CIPC: variants seen among roughly 807,000 people sequenced by gnomAD.
CIPC encodes CLOCK interacting pacemaker.
In CIPC, 12 loss-of-function variants were observed where a neutral mutation model predicts 26.7. The ratio of observed to expected loss-of-function variants is 0.45; its 90% CI spans 0.29 to 0.73. The LOEUF is 0.73. CIPC is among the 30% of genes least tolerant of loss of function. The probability of loss-of-function intolerance (pLI) is 0.12; values close to 1 mark genes in which losing one functional copy is unlikely to be tolerated. For synonymous variants in CIPC, 170 were observed against 189.8 expected, an observed-to-expected ratio of 0.90 and a Z score of 0.86; for missense variants, 417 against 486.5, an observed-to-expected ratio of 0.86 and a Z score of 1.34.
intron 1 of CIPC, chr14:77,098,698 T>G (rs1258969481): frequency 1.3e-5 from 2 of 152,444 alleles, no homozygotes; most frequent in Non-Finnish European, 1.5e-5. Context: ...CCAGCCCGGC[T>G]GGGAGCTGAG....
At chr14:77,109,702 C>T in intron 2 of CIPC, 110 bp from the exon 3 acceptor site, 1 of 954,014 alleles carries the variant, frequency 1.0e-6, no homozygotes, top group Non-Finnish European at 1.5e-6. Flanking sequence ...TTCACAAAAA[C>T]ACATCACAAG....
chr14:77,109,467 G>A (rs185066825), intron 2 of CIPC, among the ~76,000 whole-genome samples: 3 of 152,080 alleles, frequency 2.0e-5, no homozygotes, highest in Admixed American at 6.5e-5. Context: ...ATAGATTCTC[G>A]AAAGTAATAA....
intron 1 of CIPC, among the ~76,000 whole-genome samples, chr14:77,102,203 C>G (rs1886502366): frequency 6.6e-6 from 1 of 152,200 alleles, no homozygotes; most frequent in South Asian, 2.1e-4. Flanking sequence ...AGCATTCCTT[C>G]CTCTCTGTTA....
chr14:77,109,564 T>A (rs1886652903), intron 2 of CIPC, among the ~76,000 whole-genome samples: 1 of 152,242 alleles, frequency 6.6e-6, no homozygotes, highest in South Asian at 2.1e-4. Flanking sequence ...GGTTTTTGTC[T>A]GTAAGAGAGT....
intron 2 of CIPC, among the ~76,000 whole-genome samples, chr14:77,106,498 G>A (rs1019494928): frequency 2.9e-4 from 44 of 152,104 alleles, no homozygotes; most frequent in African/African-American, 1.0e-3. Context: ...ATTTTGTGCT[G>A]GGGCTCTTTT....
At chr14:77,105,625 G>A (rs1402898939) in intron 1 of CIPC, 32 bp from the exon 2 acceptor site, 1 of 1,447,040 alleles carries the variant, frequency 6.9e-7, no homozygotes, top group Non-Finnish European at 9.4e-7. Flanking sequence ...AGCTCTCCAG[G>A]CAGTGACTTC....
At chr14:77,100,518 T>A (rs184079021) in intron 1 of CIPC, among the ~76,000 whole-genome samples, 398 of 151,216 alleles carry the variant, frequency 2.6e-3, no homozygotes, top group Non-Finnish European at 4.1e-3. Flanking sequence ...GCTGGGATTA[T>A]AGACGTGAGC....
At chr14:77,108,848 AATC>A (rs1886641622) in intron 2 of CIPC, among the ~76,000 whole-genome samples, 1 of 152,152 alleles carries the variant, frequency 6.6e-6, no homozygotes, top group Admixed American at 6.5e-5. Flanking sequence ...AACCTGTTAA[AATC>A]ATCATTTCTG....
At chr14:77,110,837 G>GT (rs1886684493) in intron 3 of CIPC, among the ~76,000 whole-genome samples, 2 of 152,216 alleles carry the variant, frequency 1.3e-5, no homozygotes, top group African/African-American at 4.8e-5. Context: ...TCTGGCTTGA[G>GT]TAGTTGACTT....
chr14:77,100,977 C>G (rs867329908), intron 1 of CIPC, among the ~76,000 whole-genome samples: 1 of 152,150 alleles, frequency 6.6e-6, no homozygotes, highest in Non-Finnish European at 1.5e-5. Flanking sequence ...TAAATTCTGA[C>G]AGTTTTGGAG....
Position 77,116,170 on chromosome 14 carries a change from G to A in CIPC, c.*1852G>A, listed in dbSNP as rs1886809646. ...AGTGAACAACTTGGTAACATCCCTA[G>A]ACTCCACTCATGAACGCAGAATTAT... On this transcript the variant is annotated 3_prime_UTR_variant, in exon 4 of 4. Transcript: ENST00000361786. 6.6e-6 allele frequency: 1 copy of A among 152,204 alleles called. No individual in the cohort carries two copies. The highest frequency in any genetic ancestry group is 2.1e-4 in the South Asian group (1 of 4,832). 9.4% of individuals were successfully genotyped at this position (152,204 alleles called of 1,614,324 possible). A position where few individuals can be genotyped will look rare whatever the true frequency, so the allele number is the denominator to read the frequency against.
chr14:77,106,988 A>G (rs1307198513), intron 2 of CIPC, among the ~76,000 whole-genome samples: 1 of 152,188 alleles, frequency 6.6e-6, no homozygotes, highest in Admixed American at 6.5e-5. Context: ...TTTGTTAAAA[A>G]TATTGATCAC....
At position 77,115,769 on chromosome 14, in the gene CIPC, T is replaced by TC. The variant is rs1486097905; in HGVS notation, c.*1453dup. ...GGTGGGATCTCGGCTCACTGCAACC[T>TC]CCGCCTCCTGGGTTCAAGTGATTCT... On this transcript the variant is annotated 3_prime_UTR_variant, in exon 4 of 4. Transcript: ENST00000361786. The TC allele has an allele frequency of 6.6e-6, 1 of 151,452 alleles. No individual in the cohort carries two copies. The highest frequency in any genetic ancestry group is 1.9e-4 in the East Asian group (1 of 5,132). 9.4% of individuals were successfully genotyped at this position (151,452 alleles called of 1,614,324 possible).
rs1340998448 is a variant in CIPC, at chr14:77,116,057, G to A, written c.*1739G>A. ...TAAATATGACATTTCCTAGGTAGTT[G>A]TAACTCTAACATAGTTTAAAAAGTA... On this transcript the variant is annotated 3_prime_UTR_variant, in exon 4 of 4. Transcript: ENST00000361786. 1 of 152,158 alleles carries A rather than the reference G, an allele frequency of 6.6e-6. No individual in the cohort carries two copies. The highest frequency in any genetic ancestry group is 1.5e-5 in the Non-Finnish European group (1 of 68,036). 9.4% of individuals were successfully genotyped at this position (152,158 alleles called of 1,614,324 possible).
intron 2 of CIPC, among the ~76,000 whole-genome samples, chr14:77,106,643 TTTATA>T (rs2140029588): frequency 6.6e-6 from 1 of 152,232 alleles, no homozygotes; most frequent in Non-Finnish European, 1.5e-5. Flanking sequence ...AAGGAGAAGA[TTTATA>T]TTATCCAGAC....
At position 77,113,603 on chromosome 14, in the gene CIPC, A is replaced by G; in HGVS notation, c.485A>G (p.Lys162Arg). The change falls in exon 4 of 4, where the codon AAA becomes AGA. Residue 162 changes from lysine to arginine, a missense_variant. Coordinates refer to ENST00000361786, the MANE Select transcript of CIPC (RefSeq NM_033426.3). ...TTGCCCATTCTGAATTCTTACACCA[A>G]AATAGCCCCACATCCAGGCAAAAGG... ...NYLPILNSYT[K>R]IAPHPGKRGL... 6.2e-7 allele frequency: 1 copy of G among 1,614,192 alleles called. No individual in the cohort carries two copies. The highest frequency in any genetic ancestry group is 2.2e-5 in the East Asian group (1 of 44,892).
In CIPC at chr14:77,115,253, T is replaced by TC. The variant is rs1566807067; in HGVS notation, c.*935_*936insC. On this transcript the variant is annotated 3_prime_UTR_variant, in exon 4 of 4. Transcript: ENST00000361786. ...CTGCTGCCATCTTGTTTTTTTTTTT[T>TC]TTCCTTTATTTTGATAAGTGATTAT... is the stretch of plus-strand genomic sequence containing the variant. 1 of 151,578 alleles carries TC rather than the reference T, an allele frequency of 6.6e-6. No homozygotes were observed. The highest frequency in any genetic ancestry group is 1.5e-5 in the Non-Finnish European group (1 of 67,914). The allele number at this position is 151,578 out of a possible 1,614,324, so 9.4% of individuals were successfully genotyped here. A position where few individuals can be genotyped will look rare whatever the true frequency, so the allele number is the denominator to read the frequency against.
chr14:77,113,684 G>T lies in CIPC; in HGVS notation c.566G>T (p.Cys189Phe), dbSNP rs1224554080. ...ACAAGTGGAGTGCAGAAGAAAATCT[G>T]TACTGAGAGACTTGGGCCTAGCTTG... ...KGTSGVQKKI[C>F]TERLGPSLSS... Residue 189 changes from cysteine to phenylalanine, a missense_variant, in exon 4 of 4, where the codon TGT becomes TTT. By Grantham distance (205) the Cys-to-Phe change is radical (BLOSUM62 -2). Coordinates refer to ENST00000361786, the MANE Select transcript of CIPC (RefSeq NM_033426.3). The T allele has an allele frequency of 6.2e-7, 1 of 1,613,352 alleles. No individual in the cohort carries two copies. The highest frequency in any genetic ancestry group is 1.1e-5 in the South Asian group (1 of 91,022).
At chr14:77,111,269 C>T (rs956321148) in intron 3 of CIPC, among the ~76,000 whole-genome samples, 1 of 152,178 alleles carries the variant, frequency 6.6e-6, no homozygotes, top group Admixed American at 6.5e-5. Context: ...CACACAGTTA[C>T]GGAGTGAGTA....
Sources: allele counts gnomAD v4.1 joint callset (sites outside exome capture counted in the v4.1 genomes callset), GRCh38; gene constraint gnomAD v4.1.1; transcripts MANE v1.5; gene names NCBI Gene and HGNC (gene_info 2026-07-23, HGNC 2026-07-21).